NF2: variants seen among roughly 807,000 people sequenced by gnomAD.
NF2 encodes the protein merlin.
In NF2, 8 loss-of-function variants were observed where a neutral mutation model predicts 83.7. The observed-to-expected ratio is 0.10, with a 90% confidence interval of 0.06 to 0.17. The LOEUF is 0.17. Ranked by LOEUF, NF2 falls within the 10% of genes least tolerant of loss-of-function variation. The pLI, the probability that NF2 is intolerant of heterozygous loss-of-function variation, is 1.00. For missense variants in NF2, 533 were observed against 744.4 expected (o/e 0.72, Z 3.31); for synonymous variants, 266 against 269.6 (o/e 0.99, Z 0.13).
chr22:29,631,026 T>C (rs981958360), intron 1 of NF2, among the ~76,000 whole-genome samples: 3 of 152,194 alleles, frequency 2.0e-5, no homozygotes, highest in African/African-American at 7.2e-5. Context: ...CAGGTATTGT[T>C]GCAGGATGCA....
At chr22:29,637,048 C>A in intron 2 of NF2, 172 bp downstream of exon 2, 1 of 912,144 alleles carries the variant, frequency 1.1e-6, no homozygotes, top group Non-Finnish European at 1.7e-6. Flanking sequence ...CAGTTTCCTT[C>A]TCCTCACAGG....
chr22:29,631,453 C>T (rs2065510029), intron 1 of NF2, among the ~76,000 whole-genome samples: 1 of 152,228 alleles, frequency 6.6e-6, no homozygotes, highest in Admixed American at 6.5e-5. Context: ...ATTTACCTGT[C>T]TTCCCTGTCA....
At chr22:29,655,516 T>C (rs2066274577) in intron 5 of NF2, 78 bp from the exon 6 acceptor site, 1 of 1,002,698 alleles carries the variant, frequency 1.0e-6, no homozygotes, top group Non-Finnish European at 1.6e-6. Context: ...GTAAAAATGA[T>C]GCATAATTAT....
chr22:29,650,672 T>TCTTTCTTC, intron 4 of NF2, among the ~76,000 whole-genome samples: 1 of 152,036 alleles, frequency 6.6e-6, no homozygotes, highest in East Asian at 1.9e-4. Flanking sequence ...CTTTTTCTTT[T>TCTTTCTTC]CTTTCTTCCT....
chr22:29,612,042 C>G (rs892549008), intron 1 of NF2, among the ~76,000 whole-genome samples: 3 of 152,170 alleles, frequency 2.0e-5, no homozygotes, highest in Non-Finnish European at 4.4e-5. Flanking sequence ...GAGTCTCACT[C>G]TGTCGTCCAG....
At chr22:29,629,145 G>A (rs1039053555) in intron 1 of NF2, among the ~76,000 whole-genome samples, 3 of 152,040 alleles carry the variant, frequency 2.0e-5, no homozygotes, top group Non-Finnish European at 4.4e-5. Flanking sequence ...GAGGTGTGGT[G>A]TATCCTTTAA....
chr22:29,665,145 G>GTGAC, intron 9 of NF2, 81 bp downstream of exon 9: 2 of 1,058,272 alleles, frequency 1.9e-6, no homozygotes, highest in Non-Finnish European at 2.9e-6. Flanking sequence ...GGATATCAGA[G>GTGAC]TGACATCTTG....
intron 11 of NF2, 30 bp from the exon 12 acceptor site, chr22:29,673,239 C>T (rs1569305810): frequency 6.4e-7 from 1 of 1,551,620 alleles, no homozygotes; most frequent in South Asian, 1.2e-5. Flanking sequence ...CACATGATCC[C>T]ACTTCAGCTA....
intron 1 of NF2, among the ~76,000 whole-genome samples, chr22:29,606,533 A>G (rs2064802633): frequency 6.6e-6 from 1 of 152,238 alleles, no homozygotes; most frequent in Non-Finnish European, 1.5e-5. Context: ...TAAAACAGAT[A>G]GCTCCTAATC....
intron 1 of NF2, among the ~76,000 whole-genome samples, chr22:29,622,193 G>A (rs1283687137): frequency 2.0e-5 from 3 of 152,206 alleles, no homozygotes; most frequent in African/African-American, 7.2e-5. Flanking sequence ...ATTGCATTTG[G>A]TGTATGATAC....
At chr22:29,666,972 G>A (rs989145098) in intron 9 of NF2, among the ~76,000 whole-genome samples, 2 of 151,340 alleles carry the variant, frequency 1.3e-5, no homozygotes, top group Non-Finnish European at 2.9e-5. Flanking sequence ...GTAAAACTTC[G>A]TCTCCAAAAA....
In NF2 at chr22:29,612,568, C is replaced by T. The variant is rs138302895; in HGVS notation, c.114+8456C>T. 4.0e-3 allele frequency among the ~76,000 whole-genome samples: 613 copies of T among 151,788 alleles called. 3 individuals carry two copies. The highest frequency in any genetic ancestry group is 0.01 in the Middle Eastern group (3 of 294). On this transcript the variant is annotated intron_variant, in intron 1 of 15. Coordinates refer to ENST00000338641, the MANE Select transcript of NF2 (RefSeq NM_000268.4). ...TTACCCAGGCTGGTCTTGAACCTGA[C>T]CTCAAGCAACCTCCCATGTTGGCCC...
intron 3 of NF2, 75 bp downstream of exon 3, chr22:29,639,287 G>A: frequency 6.4e-7 from 1 of 1,574,480 alleles, no homozygotes; most frequent in East Asian, 2.2e-5. Context: ...CCTCAGAGTT[G>A]ACCACAAACA....
intron 1 of NF2, among the ~76,000 whole-genome samples, chr22:29,618,100 C>T (rs1226935453): frequency 6.6e-6 from 1 of 152,152 alleles, no homozygotes. Flanking sequence ...ATTTATCAAG[C>T]CATTACACCT....
At chr22:29,661,400 T>C (rs2147013070) in intron 8 of NF2, 61 bp downstream of exon 8, 1 of 1,605,596 alleles carries the variant, frequency 6.2e-7, no homozygotes, top group South Asian at 1.1e-5. Flanking sequence ...CCCCCCTCAC[T>C]GGAGCCTCCC....
intron 4 of NF2, among the ~76,000 whole-genome samples, chr22:29,652,689 T>G (rs2066183544): frequency 6.6e-6 from 1 of 152,144 alleles, no homozygotes; most frequent in African/African-American, 2.4e-5. Flanking sequence ...TATTCCTGTT[T>G]TACAGATGAG....
chr22:29,621,011 G>C (rs1006396), intron 1 of NF2, among the ~76,000 whole-genome samples: 22,906 of 152,208 alleles, frequency 0.15, 2,399 homozygotes, highest in East Asian at 0.57. Flanking sequence ...AAGGCTTAGT[G>C]CAGCCACTAT....
At chr22:29,677,205 A>G (rs1239393410) in intron 13 of NF2, among the ~76,000 whole-genome samples, 1 of 152,152 alleles carries the variant, frequency 6.6e-6, no homozygotes, top group East Asian at 1.9e-4. Context: ...TCGCAGAAGA[A>G]CCATTAGAGA....
chr22:29,641,821 C>T (rs1271053343), intron 3 of NF2, among the ~76,000 whole-genome samples: 1 of 152,142 alleles, frequency 6.6e-6, no homozygotes, highest in African/African-American at 2.4e-5. Context: ...AAAAGTAGAT[C>T]CATTTCCTCT....
Sources: gnomAD v4.1 joint callset for allele counts (sites outside exome capture counted in the v4.1 genomes callset) on GRCh38, gnomAD v4.1.1 for gene constraint, MANE v1.5 for transcripts, NCBI Gene and HGNC (gene_info 2026-07-23, HGNC 2026-07-21) for gene names.